Variants in HPSE2 observed in about 807,000 individuals in gnomAD.
HPSE2 encodes the protein inactive heparanase-2.
HPSE2 carries 38 observed loss-of-function variants against 60.5 expected under a neutral mutation model. The ratio of observed to expected loss-of-function variants is 0.63; its 90% confidence interval spans 0.48 to 0.82. The LOEUF (loss-of-function observed/expected upper bound fraction) is 0.82. HPSE2 is among the 40% of genes least tolerant of loss of function. The pLI, the probability that HPSE2 is intolerant of heterozygous loss-of-function variation, is 0.00. For synonymous variants in HPSE2, 295 were observed against 293.2 expected, an observed-to-expected ratio of 1.01 and a Z score of -0.06; for missense variants, 713 against 740.4, an observed-to-expected ratio of 0.96 and a Z score of 0.43.
chr10:98,544,438 C>G (rs535057042), intron 9 of HPSE2, among the ~76,000 whole-genome samples: 2 of 151,904 alleles, frequency 1.3e-5, no homozygotes, highest in African/African-American at 4.8e-5. Context: ...AGGCCGGGCG[C>G]GGTGGCTCAC....
chr10:98,483,245 GT>G (rs1222505549), intron 10 of HPSE2, among the ~76,000 whole-genome samples: 1 of 152,062 alleles, frequency 6.6e-6, no homozygotes, highest in Non-Finnish European at 1.5e-5. Context: ...TTATTACTCA[GT>G]TTTTACATAA....
rs563179615 is a variant in HPSE2, at chr10:98,509,661, T to G, written c.1321-19465A>C. On this transcript the variant is annotated intron_variant, in intron 9 of 11. Transcript: ENST00000370552. ...GGATTACAGGCGCCTGCCATCGTGC[T>G]TGCCTAATTTTTGTATTTTTAGTAG... 5.3e-5 allele frequency among the ~76,000 whole-genome samples: 8 copies of G among 152,070 alleles called. No individual in the cohort carries two copies. In the South Asian group the frequency reaches 1.7e-3, roughly 32 times the overall value.
At chr10:98,972,176 G>A (rs144177042) in intron 3 of HPSE2, among the ~76,000 whole-genome samples, 1 of 151,928 alleles carries the variant, frequency 6.6e-6, no homozygotes, top group East Asian at 1.9e-4. Context: ...GTGTTTGTTA[G>A]CTTTTAGGGT....
chr10:98,608,156 C>T (rs372072769), intron 9 of HPSE2, among the ~76,000 whole-genome samples: 1 of 152,176 alleles, frequency 6.6e-6, no homozygotes, highest in Non-Finnish European at 1.5e-5. Flanking sequence ...GGTTTTGAAA[C>T]TCAGGTCAGT....
At chr10:98,754,997 G>C (rs1949845038) in intron 3 of HPSE2, among the ~76,000 whole-genome samples, 1 of 107,394 alleles carries the variant, frequency 9.3e-6, no homozygotes, top group South Asian at 5.1e-4. Context: ...CTAATAACAA[G>C]ATGACAGGAT....
rs1046559770 is a variant in HPSE2, at chr10:98,559,012, C to T, written c.1320+55892G>A. On this transcript the variant is annotated intron_variant, in intron 9 of 11. Coordinates refer to ENST00000370552, the MANE Select transcript of HPSE2 (RefSeq NM_021828.5). ...CATCTGAGTTTGTGTCCCTGGGAAT[C>T]GAAGCCTCTCTGTCTGTTGGTTCTT... 3.9e-5 allele frequency among the ~76,000 whole-genome samples: 6 copies of T among 152,144 alleles called. No homozygotes were observed. In the South Asian group the frequency reaches 8.3e-4, roughly 21 times the overall value.
chr10:98,848,807 G>A (rs1473136832), intron 3 of HPSE2, among the ~76,000 whole-genome samples: 1 of 152,110 alleles, frequency 6.6e-6, no homozygotes, highest in Admixed American at 6.6e-5. Flanking sequence ...ATGCAGGGAA[G>A]AATTTTCCTA....
rs3043548 is a variant in HPSE2, at chr10:98,888,135, A to AACACACACACACAC, written c.611-144093_611-144080dup. On this transcript the variant is annotated intron_variant, in intron 3 of 11. Transcript: ENST00000370552. ...TGCAAAAGGGATAGGTTTTAAAACA[A>AACACACACACACAC]ACACACACACACACACACACACACA... Among the ~76,000 whole-genome samples the AACACACACACACAC allele has an allele frequency of 4.0e-3, 564 of 140,792 alleles. 4 individuals are homozygous for AACACACACACACAC. The highest frequency in any genetic ancestry group is 0.035 in the East Asian group (165 of 4,654). 92.4% of individuals were successfully genotyped at this position (140,792 alleles called of 152,430 possible).
At chr10:99,228,897 G>C (rs1849558413) in intron 2 of HPSE2, among the ~76,000 whole-genome samples, 1 of 152,128 alleles carries the variant, frequency 6.6e-6, no homozygotes, top group South Asian at 2.1e-4. Context: ...ATCGGGGCCA[G>C]GCACAGTGGC....
At chr10:99,090,703 A>C (rs1359100650) in intron 3 of HPSE2, among the ~76,000 whole-genome samples, 2 of 152,126 alleles carry the variant, frequency 1.3e-5, no homozygotes, top group African/African-American at 4.8e-5. Context: ...ACATTATTAT[A>C]TCATCTACCA....
intron 3 of HPSE2, among the ~76,000 whole-genome samples, chr10:98,771,334 C>A (rs1193318663): frequency 1.3e-5 from 2 of 152,106 alleles, no homozygotes; most frequent in East Asian, 3.9e-4. Flanking sequence ...GAGATAGGCC[C>A]ATTTAGATGG....
intron 5 of HPSE2, among the ~76,000 whole-genome samples, chr10:98,721,455 CT>C: frequency 6.6e-6 from 1 of 152,214 alleles, no homozygotes; most frequent in African/African-American, 2.4e-5. Context: ...CCACCACCCC[CT>C]GTTGACTATG....
intron 7 of HPSE2, among the ~76,000 whole-genome samples, chr10:98,630,714 C>A (rs887368220): frequency 6.6e-6 from 1 of 151,600 alleles, no homozygotes; most frequent in East Asian, 1.9e-4. Flanking sequence ...ATTTTTTTTC[C>A]TTTTTGCATG....
At chr10:98,867,109 G>A (rs7904255) in intron 3 of HPSE2, among the ~76,000 whole-genome samples, 118,488 of 151,942 alleles carry the variant, frequency 0.78, 46,520 homozygotes, top group South Asian at 0.84. Context: ...ACACACAGAC[G>A]ATGAAGTGAA....
chr10:99,004,181 T>A (rs960867704), intron 3 of HPSE2, among the ~76,000 whole-genome samples: 1 of 151,830 alleles, frequency 6.6e-6, no homozygotes, highest in Admixed American at 6.6e-5. Flanking sequence ...TTGGCCCAGC[T>A]TTTTTTTAAT....
chr10:98,483,891 A>G (rs1191170337), intron 10 of HPSE2, among the ~76,000 whole-genome samples: 1 of 152,182 alleles, frequency 6.6e-6, no homozygotes. Flanking sequence ...AACCTCACCT[A>G]TCCTGACAGA....
intron 9 of HPSE2, among the ~76,000 whole-genome samples, chr10:98,575,125 G>T (rs75098240): frequency 2.0e-5 from 3 of 151,304 alleles, no homozygotes; most frequent in African/African-American, 2.4e-5. Flanking sequence ...AGGAAAAGGC[G>T]TCATATAGGC....
At chr10:99,197,940 G>A (rs1248929131) in intron 2 of HPSE2, among the ~76,000 whole-genome samples, 12 of 151,734 alleles carry the variant, frequency 7.9e-5, no homozygotes, top group Non-Finnish European at 1.0e-4. Flanking sequence ...GTGTGGTGGC[G>A]CACACCTGTA....
At position 98,538,165 on chromosome 10, in the gene HPSE2, G is replaced by A. The variant is rs186036502; in HGVS notation, c.1321-47969C>T. Among the ~76,000 whole-genome samples, 397 of 152,220 alleles carry A rather than the reference G, an allele frequency of 2.6e-3. 2 individuals carry two copies. The highest frequency in any genetic ancestry group is 9.0e-3 in the African/African-American group (372 of 41,538). ...AGCCCAGCTGTTTGGGGCCACTACC[G>A]GTCTCTGCGTCTTGATGGTAGTGGT... On this transcript the variant is annotated intron_variant, in intron 9 of 11. Transcript: ENST00000370552.
Sources: gnomAD v4.1 joint callset for allele counts (sites outside exome capture counted in the v4.1 genomes callset) on GRCh38, gnomAD v4.1.1 for gene constraint, MANE v1.5 for transcripts, NCBI Gene and HGNC (gene_info 2026-07-23, HGNC 2026-07-21) for gene names.